Variants in UGGT2 observed in about 807,000 individuals in gnomAD.
UGGT2 encodes the protein UDP-glucose glycoprotein glucosyltransferase 2.
A neutral mutation model predicts 192.1 loss-of-function variants in UGGT2; 180 were observed. That is an observed-to-expected ratio of 0.94 (90% CI 0.83 to 1.06). The LOEUF is 1.06. UGGT2 is among the 50% of genes least tolerant of loss of function. The pLI is 0.00. For synonymous variants in UGGT2, 580 were observed against 591.0 expected, an observed-to-expected ratio of 0.98 and a Z score of 0.27; for missense variants, 1,849 against 1,795.7, an observed-to-expected ratio of 1.03 and a Z score of -0.54.
At chr13:96,001,538 G>A (rs954052234) in intron 5 of UGGT2, among the ~76,000 whole-genome samples, 2 of 152,058 alleles carry the variant, frequency 1.3e-5, no homozygotes, top group Non-Finnish European at 2.9e-5. Flanking sequence ...CTCTTCACAC[G>A]GACGCGCATG....
chr13:96,024,416 A>T (rs1423716216), intron 2 of UGGT2, among the ~76,000 whole-genome samples: 1 of 152,200 alleles, frequency 6.6e-6, no homozygotes, highest in Non-Finnish European at 1.5e-5. Flanking sequence ...TGAATGGGAG[A>T]AGGCAGAAAA....
chr13:96,047,279 G>A (rs1023768213), intron 1 of UGGT2, among the ~76,000 whole-genome samples: 7 of 152,150 alleles, frequency 4.6e-5, no homozygotes, highest in African/African-American at 1.7e-4. Context: ...AGCTTCCAGA[G>A]GAACAATAAG....
At chr13:95,925,568 A>T in intron 20 of UGGT2, 112 bp downstream of exon 20, 1 of 744,986 alleles carries the variant, frequency 1.3e-6, no homozygotes. Context: ...TCCTTCGTCT[A>T]CTTAACTGAA....
intron 2 of UGGT2, among the ~76,000 whole-genome samples, chr13:96,026,659 C>CTTTTTTT (rs71211702): frequency 2.3e-4 from 23 of 101,544 alleles, no homozygotes; most frequent in South Asian, 3.3e-4. Context: ...TTTCACTCTT[C>CTTTTTTT]TTTTTTTTTT....
intron 36 of UGGT2, among the ~76,000 whole-genome samples, chr13:95,848,520 T>C (rs1035045224): frequency 7.9e-5 from 12 of 152,200 alleles, no homozygotes; most frequent in Admixed American, 3.9e-4. Flanking sequence ...GATGTTCAGT[T>C]GTTCCAGTGA....
intron 34 of UGGT2, among the ~76,000 whole-genome samples, chr13:95,855,396 AT>A (rs201207057): frequency 1.1e-4 from 16 of 150,808 alleles, no homozygotes; most frequent in South Asian, 2.1e-4. Context: ...TGTATTTTCA[AT>A]TTTTTTTTCC....
Position 96,013,296 on chromosome 13 carries a change from C to T in UGGT2, c.660+11G>A. 6.5e-7 allele frequency: 1 copy of T among 1,540,876 alleles called. No homozygotes were observed. Among genetic ancestry groups the T allele is most frequent in the Admixed American group, 2.4e-5 (1 of 41,500 alleles). ...CAGCCAAAAGCAACCTTGGAAAAAA[C>T]AAGCGCATACCTGAATATAATGGCG... On this transcript the variant is annotated intron_variant, in intron 5 of 38. Coordinates refer to ENST00000376747, the MANE Select transcript of UGGT2 (RefSeq NM_020121.4).
Position 95,872,012 on chromosome 13 carries a change from A to G in UGGT2, c.3474-4589T>C, listed in dbSNP as rs528809918. Among the ~76,000 whole-genome samples the G allele has an allele frequency of 1.1e-4, 16 of 152,354 alleles. No homozygotes were observed. The South Asian group carries it at 3.3e-3, about 32-fold the overall frequency. ...GAAACAGTTCAGTCTCAAAGGTACC[A>G]AACTAAAATTGATTACAAGTGTTAC... On this transcript the variant is annotated intron_variant, in intron 29 of 38. Coordinates refer to ENST00000376747, the MANE Select transcript of UGGT2 (RefSeq NM_020121.4).
chr13:96,050,978 C>T (rs2053468761), intron 1 of UGGT2, among the ~76,000 whole-genome samples: 1 of 152,198 alleles, frequency 6.6e-6, no homozygotes. Flanking sequence ...CATCCCATTA[C>T]TGGGTATATA....
chr13:96,033,824 C>T (rs2052913750), intron 1 of UGGT2, among the ~76,000 whole-genome samples: 1 of 152,192 alleles, frequency 6.6e-6, no homozygotes, highest in Admixed American at 6.5e-5. Context: ...GGCCTGGGAG[C>T]AGCTTGGCAC....
At chr13:95,939,375 G>A (rs2049582297) in intron 16 of UGGT2, among the ~76,000 whole-genome samples, 1 of 151,758 alleles carries the variant, frequency 6.6e-6, no homozygotes, top group African/African-American at 2.4e-5. Flanking sequence ...TCAATGTGTT[G>A]CGTATTTGGT....
intron 24 of UGGT2, among the ~76,000 whole-genome samples, chr13:95,892,884 GGC>G (rs1436264539): frequency 5.3e-5 from 8 of 152,094 alleles, no homozygotes; most frequent in African/African-American, 1.9e-4. Flanking sequence ...CAGCCTGCAA[GGC>G]TTCCTTCAAG....
chr13:95,994,742 A>G (rs906919330), intron 7 of UGGT2, among the ~76,000 whole-genome samples: 1 of 152,072 alleles, frequency 6.6e-6, no homozygotes, highest in Non-Finnish European at 1.5e-5. Flanking sequence ...ATGGGAAATC[A>G]TAATTTGTAT....
intron 6 of UGGT2, among the ~76,000 whole-genome samples, chr13:95,996,358 C>T (rs1484625173): frequency 6.6e-6 from 1 of 151,894 alleles, no homozygotes; most frequent in Non-Finnish European, 1.5e-5. Context: ...AAAAATTAGC[C>T]AGGTGTGGTG....
chr13:95,909,478 C>T (rs1254811767), intron 20 of UGGT2, among the ~76,000 whole-genome samples: 1 of 150,604 alleles, frequency 6.6e-6, no homozygotes, highest in Non-Finnish European at 1.5e-5. Context: ...TGGAAATCAT[C>T]ATTCTCAGTA....
Position 95,820,831 on chromosome 13 carries a change from A to C in UGGT2, c.4528+12096T>G, listed in dbSNP as rs188600821. On this transcript the variant is annotated intron_variant, in intron 38 of 38. Coordinates refer to ENST00000376747, the MANE Select transcript of UGGT2 (RefSeq NM_020121.4). The stretch of plus-strand genomic sequence containing the variant: ...TTTGTGTCCTCACAGTTTAGCTCTC[A>C]CTTATAAATGAGAACATACGGTATT... Among the ~76,000 whole-genome samples the C allele has an allele frequency of 1.4e-3, 216 of 151,986 alleles. 1 individual carries two copies. In the South Asian group the frequency reaches 0.016, roughly 12 times the overall value.
chr13:95,806,622 GACTC>G (rs1409880033), intron 38 of UGGT2, among the ~76,000 whole-genome samples: 3 of 151,974 alleles, frequency 2.0e-5, no homozygotes, highest in Non-Finnish European at 4.4e-5. Context: ...AAAAAAATTG[GACTC>G]ACTGATTTCA....
At position 95,856,337 on chromosome 13, in the gene UGGT2, C is replaced by T. The variant is rs1721649650; in HGVS notation, c.3829G>A (p.Val1277Ile). The T allele has an allele frequency of 6.2e-7, 1 of 1,600,128 alleles. No homozygotes were observed. The highest frequency in any genetic ancestry group is 1.3e-5 in the African/African-American group (1 of 74,116). The change falls in exon 34 of 39, where the codon GTA (valine) becomes ATA (isoleucine). Residue 1277 changes from valine (V) to isoleucine (I), a missense_variant. Coordinates refer to ENST00000376747, the MANE Select transcript of UGGT2 (RefSeq NM_020121.4). ...TACTCTTTAGCCATGTGAGGAATTA[C>T]TTCCTAAAAACACACACACAAAATC... is the stretch of plus-strand genomic sequence containing the variant. ...KNYLSPTFKE[V>I]IPHMAKEYGF...
intron 20 of UGGT2, among the ~76,000 whole-genome samples, chr13:95,911,557 G>A (rs2048498826): frequency 6.6e-6 from 1 of 152,144 alleles, no homozygotes. Flanking sequence ...TCTCTGAATA[G>A]ACAAATAACA....
Sources: gnomAD v4.1 joint callset for allele counts (sites outside exome capture counted in the v4.1 genomes callset) on GRCh38, gnomAD v4.1.1 for gene constraint, MANE v1.5 for transcripts, NCBI Gene and HGNC (gene_info 2026-07-23, HGNC 2026-07-21) for gene names.